Variants in EVI5 observed in about 807,000 individuals in gnomAD.
The protein encoded by EVI5 is ecotropic viral integration site 5.
A neutral mutation model predicts 112.0 loss-of-function variants in EVI5; 73 were observed. The observed-to-expected ratio is 0.65, with a 90% CI of 0.54 to 0.79. EVI5 has a LOEUF of 0.79. Ranked by LOEUF, EVI5 falls within the 30% of genes least tolerant of loss-of-function variation. EVI5 has a pLI of 0.00. For missense variants in EVI5, 900 were observed against 968.8 expected (o/e 0.93, Z 0.94); for synonymous variants, 305 against 319.9 (o/e 0.95, Z 0.50).
chr1:92,587,161 T>A (rs1174188814), intron 18 of EVI5, among the ~76,000 whole-genome samples: 4 of 152,158 alleles, frequency 2.6e-5, no homozygotes, highest in Non-Finnish European at 4.4e-5. Context: ...AAAAAAGTTT[T>A]TAAACAGAAT....
intron 13 of EVI5, among the ~76,000 whole-genome samples, chr1:92,649,803 C>T (rs1661761548): frequency 6.6e-6 from 1 of 152,110 alleles, no homozygotes; most frequent in Admixed American, 6.5e-5. Flanking sequence ...AGAGAAAGAC[C>T]CTGCCTAAAA....
At chr1:92,528,166 T>C (rs1224766263) in intron 19 of EVI5, among the ~76,000 whole-genome samples, 1 of 152,204 alleles carries the variant, frequency 6.6e-6, no homozygotes, top group Non-Finnish European at 1.5e-5. Flanking sequence ...TAATAGAAAA[T>C]ACAACACTGA....
At chr1:92,727,349 T>C (rs765122243) in intron 2 of EVI5, among the ~76,000 whole-genome samples, 3 of 152,182 alleles carry the variant, frequency 2.0e-5, no homozygotes, top group Non-Finnish European at 2.9e-5. Flanking sequence ...AAAGTGTGAA[T>C]TTTAGATCCA....
Position 92,784,920 on chromosome 1 carries a change from C to G in EVI5, c.-166G>C, listed in dbSNP as rs1041131144. ...CGCCGCCGCGTCTCAGCGCCTCGGC[C>G]CCGCTCCTGGCTCCACGGGTCGCCC... On this transcript the variant is annotated 5_prime_UTR_variant, in exon 1 of 20. Transcript: ENST00000684568. The G allele has an allele frequency of 4.0e-5, 39 of 986,394 alleles. No homozygotes were observed. The highest frequency in any genetic ancestry group is 4.5e-5 in the Non-Finnish European group (37 of 830,884). 61.1% of individuals were successfully genotyped at this position (986,394 alleles called of 1,614,324 possible).
intron 14 of EVI5, 83 bp from the exon 15 acceptor site, chr1:92,626,017 C>A: frequency 1.3e-6 from 1 of 783,192 alleles, no homozygotes; most frequent in Non-Finnish European, 2.1e-6. Context: ...GTGTTCCACA[C>A]TTAAATGTAT....
At chr1:92,622,044 C>G (rs1007679874) in intron 16 of EVI5, among the ~76,000 whole-genome samples, 6 of 151,660 alleles carry the variant, frequency 4.0e-5, no homozygotes, top group African/African-American at 1.5e-4. Flanking sequence ...AGCTTGAACC[C>G]GGGAGGCAGA....
In EVI5 at chr1:92,624,276, T is replaced by C; in HGVS notation, c.1727A>G (p.Asn576Ser). Reference sequence around the variant, plus strand: ...GGTCATCAGTTCATCTTGTAACTCATTCATAGCATTTTTCTTGGGTGGGTC... The same window carrying C: ...GGTCATCAGTTCATCTTGTAACTCACTCATAGCATTTTTCTTGGGTGGGTC... ...WKDPPKKNAMNELQDELMTIR... is the reference protein window; with the variant it reads ...WKDPPKKNAMSELQDELMTIR... The change falls in exon 16 of 20, where the codon AAT (asparagine) becomes AGT (serine). Residue 576 changes from asparagine to serine, a missense_variant. By Grantham distance (46) the Asn-to-Ser change is conservative. Transcript: ENST00000684568. 1.9e-6 allele frequency: 3 copies of C among 1,613,362 alleles called. No homozygotes were observed. The highest frequency in any genetic ancestry group is 2.5e-6 in the Non-Finnish European group (3 of 1,179,334).
At chr1:92,767,032 GAT>G (rs1211028592) in intron 1 of EVI5, among the ~76,000 whole-genome samples, 1 of 136,700 alleles carries the variant, frequency 7.3e-6, no homozygotes, top group African/African-American at 2.8e-5. Flanking sequence ...GCAGTGAGCT[GAT>G]ATCACACCAC....
At chr1:92,718,370 G>C (rs1481160047) in intron 2 of EVI5, among the ~76,000 whole-genome samples, 1 of 152,148 alleles carries the variant, frequency 6.6e-6, no homozygotes, top group Non-Finnish European at 1.5e-5. Context: ...AATCAAATTA[G>C]AACTCAGGAT....
intron 10 of EVI5, among the ~76,000 whole-genome samples, chr1:92,667,150 T>C (rs1280057606): frequency 6.6e-6 from 1 of 152,160 alleles, no homozygotes; most frequent in Non-Finnish European, 1.5e-5. Context: ...CTGGGCGTAG[T>C]GGCATGTGCC....
chr1:92,612,709 C>CAA (rs368453488), intron 16 of EVI5, among the ~76,000 whole-genome samples: 39,784 of 78,898 alleles, frequency 0.5, 10,808 homozygotes, highest in East Asian at 0.78. Flanking sequence ...GACTCCATCT[C>CAA]AAAAAAAAAA....
At chr1:92,559,417 C>G (rs923579242) in intron 19 of EVI5, among the ~76,000 whole-genome samples, 3 of 152,050 alleles carry the variant, frequency 2.0e-5, no homozygotes, top group Non-Finnish European at 4.4e-5. Context: ...TCATTTTCTT[C>G]TAGGGTCTTT....
chr1:92,664,900 T>C (rs911365382), intron 11 of EVI5, among the ~76,000 whole-genome samples: 7 of 152,168 alleles, frequency 4.6e-5, no homozygotes, highest in South Asian at 2.1e-4. Flanking sequence ...CTTACTCTTA[T>C]CTCTAGTTAA....
chr1:92,562,658 A>G (rs1252526699), intron 19 of EVI5, among the ~76,000 whole-genome samples: 1 of 150,550 alleles, frequency 6.6e-6, no homozygotes, highest in Admixed American at 6.7e-5. Flanking sequence ...AAAACAAATT[A>G]AACTGAGCCA....
intron 4 of EVI5, among the ~76,000 whole-genome samples, chr1:92,702,441 CATAAAATAAAATAAA>C (rs57227203): frequency 2.4e-4 from 34 of 140,212 alleles, no homozygotes; most frequent in South Asian, 7.0e-4. Context: ...GCTCTAAAGA[CATAAAATAAAATAAA>C]ATAAAATAAA....
Position 92,605,381 on chromosome 1 carries a change from C to T in EVI5, c.1996G>A (p.Val666Met). The change falls in exon 18 of 20, where the codon GTG becomes ATG. Residue 666 changes from valine to methionine, a missense_variant. Transcript: ENST00000684568. ...ECKNKEEVMA[V>M]RLREADSIAA... ...ATGCTATCTGCTTCCCGAAGCCTCACAGCCATCACTTCTTCCTTATTCTAG... is the reference window on the plus strand; with the variant it reads ...ATGCTATCTGCTTCCCGAAGCCTCATAGCCATCACTTCTTCCTTATTCTAG... 4 of 1,612,444 alleles carry T rather than the reference C, an allele frequency of 2.5e-6. No individual in the cohort carries two copies. The highest frequency in any genetic ancestry group is 3.4e-6 in the Non-Finnish European group (4 of 1,178,594).
At chr1:92,672,412 A>G (rs1297488902) in intron 10 of EVI5, among the ~76,000 whole-genome samples, 1 of 152,120 alleles carries the variant, frequency 6.6e-6, no homozygotes, top group Non-Finnish European at 1.5e-5. Context: ...CACCCCGAAT[A>G]GGTTCTGCCA....
chr1:92,587,646 C>T (rs182151947), intron 18 of EVI5, among the ~76,000 whole-genome samples: 2 of 152,098 alleles, frequency 1.3e-5, no homozygotes, highest in South Asian at 2.1e-4. Context: ...TTTGAGTGGG[C>T]GTTTTTAAGC....
intron 10 of EVI5, among the ~76,000 whole-genome samples, chr1:92,669,555 A>AAAAAAAAAAAAAAAAAAAAAAT (rs1183861658): frequency 6.7e-6 from 1 of 150,120 alleles, no homozygotes; most frequent in Non-Finnish European, 1.5e-5. Flanking sequence ...CTCAAAAAAA[A>AAAAAAAAAAAAAAAAAAAAAAT]AAAAAATCAC....
Sources: allele counts gnomAD v4.1 joint callset (sites outside exome capture counted in the v4.1 genomes callset), GRCh38; gene constraint gnomAD v4.1.1; transcripts MANE v1.5; gene names NCBI Gene and HGNC (gene_info 2026-07-23, HGNC 2026-07-21).